The following TBC1D14 variants were observed in gnomAD, a reference collection of about 807,000 sequenced individuals.
TBC1D14 encodes TBC1 domain family, member 14.
TBC1D14 carries 26 observed loss-of-function variants against 79.0 expected under a neutral mutation model. That is an observed-to-expected ratio of 0.33 (90% CI 0.24 to 0.46). The LOEUF is 0.46. TBC1D14 is among the 20% of genes least tolerant of loss of function. The pLI, the probability that TBC1D14 is intolerant of heterozygous loss-of-function variation, is 1.00. For missense variants in TBC1D14, 769 were observed against 887.6 expected, an observed-to-expected ratio of 0.87 and a Z score of 1.70; for synonymous variants, 394 against 349.9, an observed-to-expected ratio of 1.13 and a Z score of -1.40.
intron 6 of TBC1D14, among the ~76,000 whole-genome samples, chr4:6,999,994 G>C (rs1457634955): frequency 1.3e-5 from 2 of 152,190 alleles, no homozygotes; most frequent in African/African-American, 4.8e-5. Context: ...CATTCGGGGA[G>C]CTTGGATGCC....
chr4:6,983,128 T>C (rs1717528071), intron 3 of TBC1D14, among the ~76,000 whole-genome samples: 1 of 152,076 alleles, frequency 6.6e-6, no homozygotes, highest in Non-Finnish European at 1.5e-5. Flanking sequence ...GTTCAAGCAA[T>C]TTCTGGCTAA....
At chr4:6,939,907 G>A (rs1222954883) in intron 2 of TBC1D14, among the ~76,000 whole-genome samples, 3 of 152,214 alleles carry the variant, frequency 2.0e-5, no homozygotes. Context: ...TGGAGACGAA[G>A]GCCCTGAGGC....
chr4:6,996,463 C>A, intron 5 of TBC1D14, 56 bp downstream of exon 5: 1 of 1,354,932 alleles, frequency 7.4e-7, no homozygotes, highest in Non-Finnish European at 1.0e-6. Context: ...TTGTGTCTTT[C>A]TGGTTATTTT....
chr4:6,960,440 A>G (rs1226608711), intron 2 of TBC1D14, among the ~76,000 whole-genome samples: 1 of 152,130 alleles, frequency 6.6e-6, no homozygotes, highest in African/African-American at 2.4e-5. Flanking sequence ...AGCAATGAAT[A>G]TAAGCAGTTT....
At chr4:7,018,167 A>G (rs1577180334) in intron 12 of TBC1D14, among the ~76,000 whole-genome samples, 1 of 152,042 alleles carries the variant, frequency 6.6e-6, no homozygotes, top group Non-Finnish European at 1.5e-5. Context: ...ACACGTCCAC[A>G]CCCATCACAG....
At chr4:6,911,911 C>G (rs1329984386) in intron 1 of TBC1D14, among the ~76,000 whole-genome samples, 1 of 152,104 alleles carries the variant, frequency 6.6e-6, no homozygotes, top group Admixed American at 6.5e-5. Flanking sequence ...ATACATAACG[C>G]AACAGGATTT....
At chr4:7,004,219 A>G (rs1444988648) in intron 7 of TBC1D14, among the ~76,000 whole-genome samples, 1 of 152,192 alleles carries the variant, frequency 6.6e-6, no homozygotes, top group African/African-American at 2.4e-5. Context: ...GCTGTCACAA[A>G]AATAAGTTCT....
At chr4:6,987,327 C>T in intron 3 of TBC1D14, 1 of 1,416,296 alleles carries the variant, frequency 7.1e-7, no homozygotes, top group Middle Eastern at 2.1e-4. Context: ...CGGCCGCGCG[C>T]CTCTAAGGCC....
At chr4:7,009,557 C>T (rs544433565) in intron 9 of TBC1D14, among the ~76,000 whole-genome samples, 7 of 152,286 alleles carry the variant, frequency 4.6e-5, no homozygotes, top group Non-Finnish European at 7.4e-5. Context: ...GCATACCTGG[C>T]TCTCCTGGTG....
chr4:7,009,849 G>A (rs1157816419), intron 9 of TBC1D14, 28 bp from the exon 10 acceptor site: 13 of 1,612,940 alleles, frequency 8.1e-6, no homozygotes, highest in Middle Eastern at 1.6e-4. Flanking sequence ...TCATGCATGT[G>A]TTGTTTTTGC....
In TBC1D14 at chr4:6,979,580, C is replaced by G. The variant is rs116152957; in HGVS notation, c.843+12156C>G. On this transcript the variant is annotated intron_variant, in intron 3 of 13. Transcript: ENST00000409757. Reference sequence around the variant, plus strand: ...AGGTTACAGTGAACTGATTTTACCCCTGCATGCTAGCCTGAGTGACAGAGT... The same window carrying G: ...AGGTTACAGTGAACTGATTTTACCCGTGCATGCTAGCCTGAGTGACAGAGT... Among the ~76,000 whole-genome samples the G allele has an allele frequency of 4.3e-3, 651 of 152,162 alleles. 3 individuals carry two copies. Among genetic ancestry groups the G allele is most frequent in the African/African-American group, 0.015 (614 of 41,512 alleles).
At chr4:6,939,811 G>A (rs1254743302) in intron 2 of TBC1D14, among the ~76,000 whole-genome samples, 3 of 152,150 alleles carry the variant, frequency 2.0e-5, no homozygotes, top group Non-Finnish European at 4.4e-5. Flanking sequence ...ACACAGGGGG[G>A]TCAGGGAGGG....
chr4:7,017,679 C>T (rs1181617888), intron 12 of TBC1D14, among the ~76,000 whole-genome samples: 1 of 152,172 alleles, frequency 6.6e-6, no homozygotes, highest in Non-Finnish European at 1.5e-5. Flanking sequence ...TTGACGAGGC[C>T]TCCACAGGCC....
intron 12 of TBC1D14, among the ~76,000 whole-genome samples, chr4:7,017,521 G>A (rs1242918374): frequency 6.6e-6 from 1 of 152,196 alleles, no homozygotes; most frequent in Admixed American, 6.5e-5. Flanking sequence ...GGAATAGCAT[G>A]TCGAGTGTAG....
intron 13 of TBC1D14, among the ~76,000 whole-genome samples, chr4:7,027,703 C>A (rs12646699): frequency 3.4e-5 from 3 of 87,486 alleles, no homozygotes; most frequent in Non-Finnish European, 6.3e-5. Context: ...ACCCCCCACA[C>A]ATCACACAAC....
Position 7,004,887 on chromosome 4 carries a change from G to A in TBC1D14, c.1314G>A (p.Arg438=), listed in dbSNP as rs1286386548. ...TTGCCCGAGCCAAGGAGAGGTGGCG[G>A]TCCCTTAGCACAGGAGGCTCTGAAG... ...ICLARAKERW[R]SLSTGGSEVE... The change falls in exon 8 of 14, where the codon CGG becomes CGA. Residue 438 remains arginine, a synonymous_variant. Coordinates refer to ENST00000409757, the MANE Select transcript of TBC1D14 (RefSeq NM_020773.3). The A allele has an allele frequency of 6.2e-7, 1 of 1,614,006 alleles. No individual in the cohort carries two copies. The highest frequency in any genetic ancestry group is 8.5e-7 in the Non-Finnish European group (1 of 1,180,016).
At chr4:6,921,165 C>G (rs115451834) in intron 1 of TBC1D14, among the ~76,000 whole-genome samples, 63 of 152,170 alleles carry the variant, frequency 4.1e-4, no homozygotes, top group African/African-American at 1.3e-3. Flanking sequence ...GTGCCACATA[C>G]CCTCCCTTCC....
rs190816778 is a variant in TBC1D14, at chr4:7,017,254, C to G, written c.1757+2697C>G. ...GGCAGAGGTTGCAGTGAGCCGAGAT[C>G]ACACCACTGCACTCTAGCCTGGGTG... On this transcript the variant is annotated intron_variant, in intron 12 of 13. Transcript: ENST00000409757. 3.5e-3 allele frequency among the ~76,000 whole-genome samples: 529 copies of G among 151,296 alleles called. 1 individual carries two copies. The highest frequency in any genetic ancestry group is 0.01 in the Middle Eastern group (3 of 294).
At chr4:6,942,085 G>T (rs1446527439) in intron 2 of TBC1D14, among the ~76,000 whole-genome samples, 3 of 152,228 alleles carry the variant, frequency 2.0e-5, no homozygotes, top group Non-Finnish European at 4.4e-5. Context: ...CCCAGATAGG[G>T]ATAGAATCTG....
Sources: gnomAD v4.1 joint callset for allele counts (sites outside exome capture counted in the v4.1 genomes callset) on GRCh38, gnomAD v4.1.1 for gene constraint, MANE v1.5 for transcripts, NCBI Gene and HGNC (gene_info 2026-07-23, HGNC 2026-07-21) for gene names.